FRMD1: variants seen among roughly 807,000 people sequenced by gnomAD.
The protein encoded by FRMD1 is FERM domain containing 1.
FRMD1 carries 51 observed loss-of-function variants against 54.9 expected under a neutral mutation model. The ratio of observed to expected loss-of-function variants is 0.93; its 90% CI spans 0.74 to 1.17. The LOEUF (loss-of-function observed/expected upper bound fraction) is 1.17. Ranked by LOEUF, FRMD1 falls within the 50% of genes most tolerant of loss-of-function variation. The pLI is 0.00. For missense variants in FRMD1, 729 were observed against 743.0 expected (o/e 0.98, Z 0.22); for synonymous variants, 324 against 306.4 (o/e 1.06, Z -0.60).
intron 2 of FRMD1, among the ~76,000 whole-genome samples, chr6:168,069,433 G>C (rs911512158): frequency 6.6e-6 from 1 of 152,180 alleles, no homozygotes; most frequent in African/African-American, 2.4e-5. Flanking sequence ...CGAGTGAAAA[G>C]GTCTAGATCA....
At chr6:168,088,737 A>T in intron 1 of FRMD1, among the ~76,000 whole-genome samples, 1 of 152,022 alleles carries the variant, frequency 6.6e-6, no homozygotes, top group Non-Finnish European at 1.5e-5. Context: ...CAGAACCCCC[A>T]GGCTACCCTC....
chr6:168,058,040 C>T (rs532768838), intron 10 of FRMD1, among the ~76,000 whole-genome samples: 10 of 152,370 alleles, frequency 6.6e-5, no homozygotes, highest in African/African-American at 2.2e-4. Flanking sequence ...TTCGGGCAGC[C>T]GTCTCCTCCA....
intron 1 of FRMD1, among the ~76,000 whole-genome samples, chr6:168,089,551 C>A (rs888507000): frequency 5.3e-5 from 8 of 152,208 alleles, no homozygotes; most frequent in Non-Finnish European, 1.0e-4. Context: ...CTGTGTTTAT[C>A]ACGCACACTG....
In FRMD1 at chr6:168,075,309, G is replaced by A; in HGVS notation, c.240C>T (p.Phe80=). 1 of 1,613,464 alleles carries A rather than the reference G, an allele frequency of 6.2e-7. No homozygotes were observed. Among genetic ancestry groups the A allele is most frequent in the Admixed American group, 1.7e-5 (1 of 60,028 alleles). ...VGVKATGREL[F]QQVCNVASIR... ...TGCTCGCCACGTTGCACACTTGCTG[G>A]AAAAGCTCGCGGCCAGTAGCCTTCA... is the stretch of plus-strand genomic sequence containing the variant. The change falls in exon 2 of 11, where the codon TTC becomes TTT. Residue 80 remains phenylalanine, a synonymous_variant. Coordinates refer to ENST00000283309, the MANE Select transcript of FRMD1 (RefSeq NM_024919.6).
upstream of FRMD1, chr6:168,081,549 G>A: frequency 1.3e-6 from 2 of 1,497,842 alleles, no homozygotes; most frequent in Non-Finnish European, 1.8e-6. Flanking sequence ...CCTCTATCAT[G>A]AGATAGATAG....
chr6:168,066,726 A>C, intron 4 of FRMD1, 29 bp downstream of exon 4: 1 of 1,589,706 alleles, frequency 6.3e-7, no homozygotes, highest in Non-Finnish European at 8.6e-7. Flanking sequence ...TATTCCAGGA[A>C]ACACCCCTTA....
intron 7 of FRMD1, 22 bp from the exon 8 acceptor site, chr6:168,062,003 TGCCAC>T: frequency 6.3e-7 from 1 of 1,576,068 alleles, no homozygotes; most frequent in Non-Finnish European, 8.6e-7. Flanking sequence ...GGAGAGAAGT[TGCCAC>T]TCCACAGGTG....
chr6:168,060,927 G>A lies in FRMD1; in HGVS notation c.1176C>T (p.Ser392=). The A allele has an allele frequency of 1.2e-6, 2 of 1,613,748 alleles. No individual in the cohort carries two copies. The highest frequency in any genetic ancestry group is 1.7e-5 in the Admixed American group (1 of 60,024). The stretch of plus-strand genomic sequence containing the variant: ...TGCCTGACGTGTAGGAACTGCCGTG[G>A]CTGTCGGCGGAGTGGCGTGAGAGGC... ...PHCLSRHSAD[S]HGSSYTSGIK... is the part of the protein sequence containing the mutation. The change falls in exon 9 of 11, where the codon AGC becomes AGT. Residue 392 remains serine (S), a synonymous_variant. Coordinates refer to ENST00000283309, the MANE Select transcript of FRMD1 (RefSeq NM_024919.6).
intron 7 of FRMD1, chr6:168,062,644 G>C (rs1176567041): frequency 1.9e-6 from 3 of 1,548,024 alleles, no homozygotes; most frequent in Non-Finnish European, 2.6e-6. Context: ...AGGCTTTCCA[G>C]GGCACGGGGA....
chr6:168,061,840 G>C lies in FRMD1; in HGVS notation c.1012C>G (p.Leu338Val), dbSNP rs751284198. 2 of 1,571,790 alleles carry C rather than the reference G, an allele frequency of 1.3e-6. No homozygotes were observed. Among genetic ancestry groups the C allele is most frequent in the South Asian group, 1.2e-5 (1 of 85,676 alleles). The stretch of plus-strand genomic sequence containing the variant: ...TCCTCCCGCTGCCGCAGCTGTTGCA[G>C]AGTGGGCCGCACGCGGAGGTGGAGC... ...HQLHLRVRPT[L>V]QQLRQREEAE... The change falls in exon 8 of 11, where the codon CTG (leucine) becomes GTG (valine). Residue 338 changes from leucine to valine, a missense_variant. Coordinates refer to ENST00000283309, the MANE Select transcript of FRMD1 (RefSeq NM_024919.6).
At position 168,054,009 on chromosome 6, in the gene FRMD1, G is replaced by A. The variant is rs1156379335; in HGVS notation, c.*3088C>T. 6.6e-6 allele frequency: 1 copy of A among 152,340 alleles called. No homozygotes were observed. The highest frequency in any genetic ancestry group is 1.5e-5 in the Non-Finnish European group (1 of 68,210). The allele number at this position is 152,340 out of a possible 1,614,324, so 9.4% of individuals were successfully genotyped here. ...CTCCATCTTCCGTGAGGGAGGCTGGGCTGATGGCTGAGGGCCCAGAGGAGT... is the reference window on the plus strand; with the variant it reads ...CTCCATCTTCCGTGAGGGAGGCTGGACTGATGGCTGAGGGCCCAGAGGAGT... On this transcript the variant is annotated 3_prime_UTR_variant, in exon 11 of 11. Transcript: ENST00000283309.
In FRMD1 at chr6:168,054,979, C is replaced by T. The variant is rs1799353767; in HGVS notation, c.*2118G>A. 1 of 152,310 alleles carries T rather than the reference C, an allele frequency of 6.6e-6. No individual in the cohort carries two copies. The highest frequency in any genetic ancestry group is 6.5e-5 in the Admixed American group (1 of 15,294). 9.4% of individuals were successfully genotyped at this position (152,310 alleles called of 1,614,324 possible). A position where few individuals can be genotyped will look rare whatever the true frequency, so the allele number is the denominator to read the frequency against. ...CTCAGGGCAGCGGGCCTCTAATTGTCCTCTCCACATACCCTGAACACCAGA... is the reference window on the plus strand; with the variant it reads ...CTCAGGGCAGCGGGCCTCTAATTGTTCTCTCCACATACCCTGAACACCAGA... On this transcript the variant is annotated 3_prime_UTR_variant, in exon 11 of 11. Coordinates refer to ENST00000283309, the MANE Select transcript of FRMD1 (RefSeq NM_024919.6).
chr6:168,068,584 ATTG>A (rs1402047706), intron 2 of FRMD1, among the ~76,000 whole-genome samples: 2 of 152,190 alleles, frequency 1.3e-5, no homozygotes, highest in African/African-American at 4.8e-5. Context: ...ATATTATTTT[ATTG>A]TTGTACTATT....
intron 8 of FRMD1, among the ~76,000 whole-genome samples, chr6:168,061,515 T>C (rs917929724): frequency 6.6e-6 from 1 of 152,222 alleles, no homozygotes; most frequent in African/African-American, 2.4e-5. Context: ...TTGCTCTTTG[T>C]GGGCACATGA....
upstream of FRMD1, among the ~76,000 whole-genome samples, chr6:168,086,459 G>A (rs1800922447): frequency 8.7e-5 from 13 of 149,572 alleles, no homozygotes; most frequent in Admixed American, 7.3e-4. Flanking sequence ...CACTGCCCAC[G>A]TTCCAGCATG....
rs147994121 is a variant in FRMD1 at position 168,076,712 on chromosome 6, A to G, written c.214-1377T>C. Reference sequence around the variant, plus strand: ...ACCAAGTCTTGGGTATGTCTTTATTAGCAGCGTGAGAACAGACTAATATGA... The same window carrying G: ...ACCAAGTCTTGGGTATGTCTTTATTGGCAGCGTGAGAACAGACTAATATGA... On this transcript the variant is annotated intron_variant, in intron 1 of 10. Coordinates refer to ENST00000283309, the MANE Select transcript of FRMD1 (RefSeq NM_024919.6). Among the ~76,000 whole-genome samples, 481 of 152,352 alleles carry G rather than the reference A, an allele frequency of 3.2e-3. 6 individuals are homozygous for G. The highest frequency in any genetic ancestry group is 0.011 in the African/African-American group (460 of 41,576).
chr6:168,063,687 G>A lies in FRMD1; in HGVS notation c.718C>T (p.Leu240=). 6.2e-7 allele frequency: 1 copy of A among 1,613,942 alleles called. No homozygotes were observed. Among genetic ancestry groups the A allele is most frequent in the Non-Finnish European group, 8.5e-7 (1 of 1,179,910 alleles). ...CACAGCATGGCCTCCTTGGGGCTCAGGCCCTGGCGCTCACGGTGCAGGGTA... is the reference window on the plus strand; with the variant it reads ...CACAGCATGGCCTCCTTGGGGCTCAAGCCCTGGCGCTCACGGTGCAGGGTA... ...MPTLHRERQG[L]SPKEAMLCFI... is the part of the protein sequence containing the mutation. The change falls in exon 6 of 11, where the codon CTG becomes TTG. Residue 240 remains leucine (L), a synonymous_variant. Coordinates refer to ENST00000283309, the MANE Select transcript of FRMD1 (RefSeq NM_024919.6).
intron 1 of FRMD1, among the ~76,000 whole-genome samples, chr6:168,091,211 A>G (rs1014109090): frequency 2.6e-5 from 4 of 152,200 alleles, no homozygotes; most frequent in African/African-American, 9.6e-5. Context: ...GCCGATAATA[A>G]AAGGCCAAGG....
In FRMD1 at chr6:168,064,980, T is replaced by G; in HGVS notation, c.539A>C (p.Glu180Ala). The G allele has an allele frequency of 6.2e-7, 1 of 1,611,956 alleles. No homozygotes were observed. Residue 180 changes from glutamate to alanine, a missense_variant, in exon 5 of 11, where the codon GAA becomes GCA. By Grantham distance (107) the Glu-to-Ala change is moderately radical (BLOSUM62 -1). Transcript: ENST00000283309. ...VLRSQCAHREEAYFLLAACAL... is the reference protein window; with the variant it reads ...VLRSQCAHREAAYFLLAACAL... The stretch of plus-strand genomic sequence containing the variant: ...GCAGGCAGCCAGCAGGAAGTAGGCT[T>G]CCTCCCGGTGAGCGCACTGTGACCT...
Sources: gnomAD v4.1 joint callset for allele counts (sites outside exome capture counted in the v4.1 genomes callset) on GRCh38, gnomAD v4.1.1 for gene constraint, MANE v1.5 for transcripts, NCBI Gene and HGNC (gene_info 2026-07-23, HGNC 2026-07-21) for gene names.